Variants in BTBD16 observed in about 807,000 individuals in gnomAD.
BTBD16 encodes BTB domain containing 16.
A neutral mutation model predicts 67.4 loss-of-function variants in BTBD16; 66 were observed. The observed-to-expected ratio is 0.98, with a 90% CI of 0.80 to 1.20. The LOEUF (loss-of-function observed/expected upper bound fraction) is 1.20, where lower values mean the gene tolerates loss of function less well. BTBD16 is among the 50% of genes most tolerant of loss of function. The probability of loss-of-function intolerance (pLI) is 0.00; values close to 1 mark genes in which losing one functional copy is unlikely to be tolerated. For missense variants in BTBD16, 634 were observed against 616.0 expected, an observed-to-expected ratio of 1.03 and a Z score of -0.31; for synonymous variants, 242 against 236.4, an observed-to-expected ratio of 1.02 and a Z score of -0.22.
At chr10:122,324,221 C>T (rs889469167) in intron 10 of BTBD16, among the ~76,000 whole-genome samples, 14 of 152,196 alleles carry the variant, frequency 9.2e-5, no homozygotes, top group African/African-American at 2.2e-4. Context: ...CTCCTCTTTG[C>T]GGAGAGAAAA....
rs150505311 is a variant in BTBD16 at position 122,271,801 on chromosome 10, C to G, written c.-43+287C>G. Among the ~76,000 whole-genome samples the G allele has an allele frequency of 3.5e-3, 540 of 152,278 alleles. 9 individuals are homozygous for G. The highest frequency in any genetic ancestry group is 0.013 in the African/African-American group (522 of 41,556). ...ACATTTCCAGGCCATTGAGATGTCT[C>G]TGGATTTCAAGATCAGCTAAAAAAG... On this transcript the variant is annotated intron_variant, in intron 1 of 15. Transcript: ENST00000260723.
At chr10:122,301,022 C>T (rs572889298) in intron 9 of BTBD16, among the ~76,000 whole-genome samples, 1 of 152,282 alleles carries the variant, frequency 6.6e-6, no homozygotes, top group East Asian at 1.9e-4. Flanking sequence ...AGACCATATT[C>T]TCTAGGAAGC....
rs34246262 is a variant in BTBD16, at chr10:122,277,156, A to AT, written c.167+236dup. Among the ~76,000 whole-genome samples the AT allele has an allele frequency of 6.6e-3, 889 of 134,308 alleles. 5 individuals are homozygous for AT. The highest frequency in any genetic ancestry group is 0.014 in the Middle Eastern group (4 of 276). The allele number at this position is 134,308 out of a possible 152,430, so 88.1% of individuals were successfully genotyped here. On this transcript the variant is annotated intron_variant, in intron 3 of 15. Coordinates refer to ENST00000260723, the MANE Select transcript of BTBD16 (RefSeq NM_144587.5). ...TTACAAAAGTGCAGAGAAAGATTGA[A>AT]TTTTTTTTTTTTTTTTTTTACAATT...
In BTBD16 at chr10:122,275,029, T is replaced by G; in HGVS notation, c.-42-11T>G. 6.2e-7 allele frequency: 1 copy of G among 1,603,258 alleles called. No homozygotes were observed. Among genetic ancestry groups the G allele is most frequent in the Non-Finnish European group, 8.5e-7 (1 of 1,170,608 alleles). ...ATGGAAAATGTCACCTTTACCTCTT[T>G]TGTCTTCTAGGTTGCTTGTCTTTTC... On this transcript the variant is annotated splice_polypyrimidine_tract_variant and intron_variant, in intron 1 of 15. Transcript: ENST00000260723.
intron 10 of BTBD16, among the ~76,000 whole-genome samples, chr10:122,307,832 C>T (rs990104467): frequency 2.6e-5 from 4 of 152,166 alleles, no homozygotes; most frequent in African/African-American, 9.7e-5. Context: ...CAGATAAACA[C>T]GTCTTCACGT....
intron 13 of BTBD16, 81 bp downstream of exon 13, chr10:122,332,594 C>T: frequency 7.0e-7 from 1 of 1,422,782 alleles, no homozygotes; most frequent in Admixed American, 1.8e-5. Flanking sequence ...CAGCCATGAT[C>T]ACTTCTGGCT....
At chr10:122,279,551 T>A (rs2096348178) in intron 3 of BTBD16, among the ~76,000 whole-genome samples, 1 of 65,004 alleles carries the variant, frequency 1.5e-5, no homozygotes, top group African/African-American at 3.8e-5. Context: ...CACACATCTT[T>A]TCTTTGTGTT....
chr10:122,281,335 T>C (rs941918422), intron 3 of BTBD16, among the ~76,000 whole-genome samples: 1 of 152,154 alleles, frequency 6.6e-6, no homozygotes, highest in African/African-American at 2.4e-5. Context: ...GTGTGAGAAC[T>C]CTCCCTTCCT....
At chr10:122,299,976 G>A (rs1035997957) in intron 9 of BTBD16, among the ~76,000 whole-genome samples, 7 of 152,110 alleles carry the variant, frequency 4.6e-5, no homozygotes, top group Admixed American at 1.3e-4. Flanking sequence ...TCCCCATACC[G>A]GGCCTTGGTT....
chr10:122,289,438 A>G (rs942221218), intron 5 of BTBD16, among the ~76,000 whole-genome samples: 4 of 152,182 alleles, frequency 2.6e-5, no homozygotes, highest in African/African-American at 9.7e-5. Context: ...GTAAATAAGT[A>G]TTTAAAAATG....
chr10:122,296,543 G>A (rs546934073), intron 7 of BTBD16, among the ~76,000 whole-genome samples: 4 of 152,258 alleles, frequency 2.6e-5, no homozygotes, highest in Admixed American at 6.5e-5. Flanking sequence ...GGCTACTCTC[G>A]GGTGCCCTGC....
intron 5 of BTBD16, chr10:122,287,428 G>A: frequency 1.0e-6 from 1 of 985,406 alleles, no homozygotes; most frequent in Non-Finnish European, 1.2e-6. Context: ...ATTTAGCCCT[G>A]CTAAGACAGC....
At chr10:122,312,052 G>T (rs1308956329) in intron 10 of BTBD16, among the ~76,000 whole-genome samples, 1 of 152,206 alleles carries the variant, frequency 6.6e-6, no homozygotes, top group African/African-American at 2.4e-5. Flanking sequence ...CAGCCACTAG[G>T]AATAGTATTG....
intron 8 of BTBD16, 63 bp downstream of exon 8, chr10:122,297,900 C>A (rs578151356): frequency 2.0e-5 from 30 of 1,509,084 alleles, no homozygotes; most frequent in Non-Finnish European, 2.4e-5. Flanking sequence ...AGCCTAGATG[C>A]TGGGATTTTA....
At chr10:122,328,278 A>C (rs1238751278) in intron 10 of BTBD16, among the ~76,000 whole-genome samples, 1 of 152,220 alleles carries the variant, frequency 6.6e-6, no homozygotes, top group African/African-American at 2.4e-5. Flanking sequence ...GGCTGGTTCC[A>C]GAACCAATAG....
intron 8 of BTBD16, among the ~76,000 whole-genome samples, 175 bp from the exon 9 acceptor site, chr10:122,298,829 G>A (rs1590066511): frequency 6.6e-6 from 1 of 152,166 alleles, no homozygotes; most frequent in Admixed American, 6.5e-5. Context: ...GCAGCGCCTC[G>A]AGCATAGAAA....
intron 10 of BTBD16, among the ~76,000 whole-genome samples, chr10:122,315,967 C>T (rs1051867780): frequency 6.6e-6 from 1 of 152,036 alleles, no homozygotes; most frequent in Non-Finnish European, 1.5e-5. Flanking sequence ...CCTTATGACA[C>T]TAAATAGTCC....
chr10:122,322,999 T>C (rs1208330238), intron 10 of BTBD16, among the ~76,000 whole-genome samples: 2 of 152,230 alleles, frequency 1.3e-5, no homozygotes, highest in Admixed American at 6.5e-5. Flanking sequence ...TTACTCCCTT[T>C]ACCCTCCCAG....
rs1362242497 is a variant in BTBD16 at position 122,316,140 on chromosome 10, G to A, written c.911+8832G>A. Among the ~76,000 whole-genome samples, 11 of 152,202 alleles carry A rather than the reference G, an allele frequency of 7.2e-5. No homozygotes were observed. In the East Asian group the frequency reaches 1.4e-3, roughly 19 times the overall value. On this transcript the variant is annotated intron_variant, in intron 10 of 15. Coordinates refer to ENST00000260723, the MANE Select transcript of BTBD16 (RefSeq NM_144587.5). ...AAATTAGCCAGGCATGGTGGTGCAC[G>A]TCTGTAATTCCAGCTACTTGGGAGG...
Sources: gnomAD v4.1 joint callset for allele counts (sites outside exome capture counted in the v4.1 genomes callset) on GRCh38, gnomAD v4.1.1 for gene constraint, MANE v1.5 for transcripts, NCBI Gene and HGNC (gene_info 2026-07-23, HGNC 2026-07-21) for gene names.